The following MGAT4C variants were observed in gnomAD, a reference collection of about 807,000 sequenced individuals.
MGAT4C encodes the protein MGAT4 family member C.
Under a neutral mutation model 40.1 loss-of-function variants are expected in MGAT4C, and 19 were observed. That is an observed-to-expected ratio of 0.47 (90% CI 0.33 to 0.70). The LOEUF (loss-of-function observed/expected upper bound fraction) is 0.70, where lower values mean the gene tolerates loss of function less well. Among genes scored for constraint, MGAT4C ranks in the 30% least tolerant of loss-of-function variants. The pLI is 0.02. For missense variants in MGAT4C, 491 were observed against 563.2 expected, an observed-to-expected ratio of 0.87 and a Z score of 1.30; for synonymous variants, 181 against 187.1, an observed-to-expected ratio of 0.97 and a Z score of 0.27.
intron 2 of MGAT4C, among the ~76,000 whole-genome samples, chr12:86,033,458 T>G (rs1171442035): frequency 6.7e-6 from 1 of 149,594 alleles, no homozygotes; most frequent in Non-Finnish European, 1.5e-5. Flanking sequence ...TCTCTCACTG[T>G]GGAAGTATTT....
At chr12:86,812,024 C>A (rs1162347133) in intron 1 of MGAT4C, among the ~76,000 whole-genome samples, 1 of 152,234 alleles carries the variant, frequency 6.6e-6, no homozygotes, top group Non-Finnish European at 1.5e-5. Context: ...TATTTTCATT[C>A]TAGTCTACAT....
At chr12:86,068,944 T>C (rs551363209) in intron 1 of MGAT4C, among the ~76,000 whole-genome samples, 1 of 152,254 alleles carries the variant, frequency 6.6e-6, no homozygotes, top group Admixed American at 6.5e-5. Flanking sequence ...AATATAGTAT[T>C]GCTTTAGGTG....
At chr12:86,315,148 C>T (rs376639025) in intron 4 of MGAT4C, among the ~76,000 whole-genome samples, 23 of 151,972 alleles carry the variant, frequency 1.5e-4, no homozygotes, top group Non-Finnish European at 2.6e-4. Context: ...CAGCATGATA[C>T]TGGTGCAAAA....
intron 1 of MGAT4C, among the ~76,000 whole-genome samples, chr12:86,778,074 C>T (rs1270952885): frequency 2.0e-5 from 3 of 152,100 alleles, no homozygotes; most frequent in Non-Finnish European, 4.4e-5. Context: ...CCATAGCTTA[C>T]AAATTGCTTG....
intron 2 of MGAT4C, among the ~76,000 whole-genome samples, chr12:86,675,167 A>G (rs761575523): frequency 3.9e-5 from 6 of 152,176 alleles, no homozygotes; most frequent in Non-Finnish European, 8.8e-5. Context: ...TACCCAAGAG[A>G]TGACCCCCAG....
chr12:86,335,987 C>T (rs947582502), intron 3 of MGAT4C, among the ~76,000 whole-genome samples: 1 of 152,080 alleles, frequency 6.6e-6, no homozygotes, highest in Non-Finnish European at 1.5e-5. Flanking sequence ...CTAACAAAAC[C>T]TTCCTTTTTT....
At chr12:86,756,215 C>T (rs1453671927) in intron 1 of MGAT4C, among the ~76,000 whole-genome samples, 1 of 151,914 alleles carries the variant, frequency 6.6e-6, no homozygotes, top group Non-Finnish European at 1.5e-5. Context: ...GAATAGCCAC[C>T]TTTTTTCTGT....
chr12:86,201,861 T>C (rs1039922072), intron 1 of MGAT4C, among the ~76,000 whole-genome samples: 1 of 152,100 alleles, frequency 6.6e-6, no homozygotes, highest in Non-Finnish European at 1.5e-5. Context: ...GCAGATATAT[T>C]GCATGTTGTC....
chr12:86,464,194 G>GGGTAATTTGGAGAATAT, intron 2 of MGAT4C, among the ~76,000 whole-genome samples: 1 of 152,194 alleles, frequency 6.6e-6, no homozygotes, highest in Admixed American at 6.5e-5. Flanking sequence ...AAAGTTTACT[G>GGGTAATTTGGAGAATAT]GGTAATTTGG....
chr12:86,695,292 A>G (rs1273823478), intron 2 of MGAT4C, among the ~76,000 whole-genome samples: 2 of 152,218 alleles, frequency 1.3e-5, no homozygotes, highest in Non-Finnish European at 2.9e-5. Context: ...GGAAATAGAT[A>G]AAAAGGAACC....
At chr12:86,160,763 G>T (rs945732466) in intron 1 of MGAT4C, among the ~76,000 whole-genome samples, 10 of 152,128 alleles carry the variant, frequency 6.6e-5, no homozygotes, top group African/African-American at 2.2e-4. Context: ...TCCAATGTTG[G>T]ATGCATATAT....
At chr12:86,820,274 CTTG>C (rs1427681346) in intron 1 of MGAT4C, among the ~76,000 whole-genome samples, 1 of 150,700 alleles carries the variant, frequency 6.6e-6, no homozygotes, top group African/African-American at 2.4e-5. Flanking sequence ...TTATTTCTTA[CTTG>C]TTGTATATGT....
intron 2 of MGAT4C, among the ~76,000 whole-genome samples, chr12:86,017,810 AT>A (rs1889248427): frequency 6.6e-6 from 1 of 152,162 alleles, no homozygotes; most frequent in African/African-American, 2.4e-5. Context: ...ACTGTTTGTC[AT>A]TGGAACACAA....
chr12:86,061,662 A>T (rs1375601145), intron 1 of MGAT4C, among the ~76,000 whole-genome samples: 3 of 152,060 alleles, frequency 2.0e-5, no homozygotes, highest in African/African-American at 7.2e-5. Flanking sequence ...TCTGAGGTCA[A>T]CCTGGGATGC....
intron 2 of MGAT4C, among the ~76,000 whole-genome samples, chr12:86,657,797 T>G (rs1963886555): frequency 6.6e-6 from 1 of 151,838 alleles, no homozygotes; most frequent in South Asian, 2.1e-4. Context: ...GCAAAGCAAA[T>G]TAAAATACAG....
At chr12:86,208,853 A>T (rs1176025880) in intron 1 of MGAT4C, among the ~76,000 whole-genome samples, 1 of 152,138 alleles carries the variant, frequency 6.6e-6, no homozygotes, top group African/African-American at 2.4e-5. Context: ...CTCAATTTAG[A>T]TTTACTTAAG....
chr12:86,256,882 A>AT (rs1952535714), upstream of MGAT4C, among the ~76,000 whole-genome samples: 1 of 152,120 alleles, frequency 6.6e-6, no homozygotes, highest in Admixed American at 6.5e-5. Context: ...TTTTTAATCA[A>AT]TTTTTTCAGA....
Position 85,957,017 on chromosome 12 carries a change from G to A in MGAT4C, c.*22272C>T, listed in dbSNP as rs1882828986. 6.6e-6 allele frequency: 1 copy of A among 152,104 alleles called. No homozygotes were observed. The highest frequency in any genetic ancestry group is 1.9e-4 in the East Asian group (1 of 5,178). The allele number at this position is 152,104 out of a possible 1,614,324, so 9.4% of individuals were successfully genotyped here. ...GATTTCATGGCTATGTGGAACCATT[G>A]GTTGGACACATAAAATGAGAGTATG... On this transcript the variant is annotated 3_prime_UTR_variant, in exon 5 of 5. Transcript: ENST00000611864.
intron 1 of MGAT4C, among the ~76,000 whole-genome samples, chr12:86,206,819 T>C (rs182457924): frequency 1.0e-3 from 152 of 152,306 alleles, no homozygotes; most frequent in Non-Finnish European, 1.9e-3. Flanking sequence ...ATACTCAGCC[T>C]CTGGCAGCAC....
Sources: allele counts gnomAD v4.1 joint callset (sites outside exome capture counted in the v4.1 genomes callset), GRCh38; gene constraint gnomAD v4.1.1; transcripts MANE v1.5; gene names NCBI Gene and HGNC (gene_info 2026-07-23, HGNC 2026-07-21).